The following RHOC variants were observed in gnomAD, a reference collection of about 807,000 sequenced individuals.
RHOC encodes ras homolog family member C.
In RHOC, 13 loss-of-function variants were observed where a neutral mutation model predicts 19.5. The ratio of observed to expected loss-of-function variants is 0.67; its 90% CI spans 0.43 to 1.06. The LOEUF is 1.06. RHOC is among the 50% of genes least tolerant of loss of function. The pLI is 0.00. For missense variants in RHOC, 173 were observed against 256.9 expected (o/e 0.67, Z 2.23); for synonymous variants, 106 against 97.3 (o/e 1.09, Z -0.52).
chr1:112,703,403 G>A (rs1674728819), intron 3 of RHOC: 1 of 716,436 alleles, frequency 1.4e-6, no homozygotes. Context: ...CATTTTGCAG[G>A]TGGGGGAGCT....
intron 5 of RHOC, 139 bp from the exon 6 acceptor site, chr1:112,701,852 C>T (rs1674651033): frequency 1.2e-6 from 1 of 840,296 alleles, no homozygotes; most frequent in Admixed American, 2.6e-5. Context: ...CCCAGCTACC[C>T]TGGGCAGCTT....
At chr1:112,706,500 A>ACC (rs1557780872) in intron 1 of RHOC, among the ~76,000 whole-genome samples, 1 of 81,600 alleles carries the variant, frequency 1.2e-5, no homozygotes, top group Non-Finnish European at 2.5e-5. Context: ...ACACACACAC[A>ACC]CACACACACA....
chr1:112,701,771 G>A, intron 5 of RHOC, 58 bp from the exon 6 acceptor site: 1 of 1,568,118 alleles, frequency 6.4e-7, no homozygotes, highest in Middle Eastern at 1.7e-4. Context: ...AACCTCTCCT[G>A]CCTCACCCAT....
At chr1:112,706,464 C>CCACA (rs57078670) in intron 1 of RHOC, among the ~76,000 whole-genome samples, 4 of 23,042 alleles carry the variant, frequency 1.7e-4, no homozygotes, top group African/African-American at 6.4e-4. Context: ...CACACACACA[C>CCACA]CACACACACA....
rs1175879067 is a variant in RHOC at position 112,705,109 on chromosome 1, G to T, written c.-17C>A. On this transcript the variant is annotated 5_prime_UTR_variant, in exon 2 of 6. Coordinates refer to ENST00000339083, the MANE Select transcript of RHOC (RefSeq NM_175744.5). ...GGGGAGGGGAACTGACCTCCAGCCG[G>T]CTGAAGTTCCCAGGCTGCAGGAAGA... 1.4e-6 allele frequency: 1 copy of T among 702,484 alleles called. No homozygotes were observed. The highest frequency in any genetic ancestry group is 2.6e-6 in the Non-Finnish European group (1 of 384,836). 43.5% of individuals were successfully genotyped at this position (702,484 alleles called of 1,614,324 possible).
At position 112,701,411 on chromosome 1, in the gene RHOC, C is replaced by A. The variant is rs753607543; in HGVS notation, c.*129G>T. The A allele has an allele frequency of 8.8e-6, 14 of 1,586,638 alleles. No individual in the cohort carries two copies. The East Asian group carries it at 3.2e-4, about 37-fold the overall frequency. The stretch of plus-strand genomic sequence containing the variant: ...ACCACCTCGGGGCTAGAAAACAATG[C>A]AGTCCTGGGCAGGAGGGAACTGAAA... On this transcript the variant is annotated 3_prime_UTR_variant, in exon 6 of 6. Coordinates refer to ENST00000339083, the MANE Select transcript of RHOC (RefSeq NM_175744.5).
chr1:112,703,084 T>C lies in RHOC; in HGVS notation c.192A>G (p.Glu64=). 1 of 1,614,174 alleles carries C rather than the reference T, an allele frequency of 6.2e-7. No individual in the cohort carries two copies. The highest frequency in any genetic ancestry group is 8.5e-7 in the Non-Finnish European group (1 of 1,180,020). The change falls in exon 4 of 6, where the codon GAA becomes GAG. Residue 64 remains glutamate (E), a synonymous_variant. Coordinates refer to ENST00000339083, the MANE Select transcript of RHOC (RefSeq NM_175744.5). ...ELALWDTAGQ[E]DYDRLRPLSY... is the part of the protein sequence containing the mutation. ...AGAGAGGCCGCAGTCGATCATAGTC[T>C]TCCTGCCCTGCTGTGTCCCACAGAG... is the stretch of plus-strand genomic sequence containing the variant.
chr1:112,701,717 A>C lies in RHOC; in HGVS notation c.409-4T>G, dbSNP rs879098461. ...CTTCCTCAGACCGAACGGGCTCCTGAGAAGACATAAGATGAGGGGTCAAAG... is the reference window on the plus strand; with the variant it reads ...CTTCCTCAGACCGAACGGGCTCCTGCGAAGACATAAGATGAGGGGTCAAAG... On this transcript the variant is annotated splice_polypyrimidine_tract_variant and splice_region_variant and intron_variant, in intron 5 of 5. Transcript: ENST00000339083. The C allele has an allele frequency of 6.2e-7, 1 of 1,613,544 alleles. No individual in the cohort carries two copies. The highest frequency in any genetic ancestry group is 8.5e-7 in the Non-Finnish European group (1 of 1,179,886).
rs1336355723 is a variant in RHOC at position 112,706,478 on chromosome 1, A to ACCACACACACACACACCCCCACAC, written c.-77+599_-77+600insGTGTGGGGGTGTGTGTGTGTGTGG. On this transcript the variant is annotated intron_variant, in intron 1 of 5. Coordinates refer to ENST00000339083, the MANE Select transcript of RHOC (RefSeq NM_175744.5). ...ACACACACACACCACACACACACACACACACACACACACACACACACACAC... is the reference window on the plus strand; with the variant it reads ...ACACACACACACCACACACACACACACCACACACACACACACCCCCACACCACACACACACACACACACACACAC... Among the ~76,000 whole-genome samples the ACCACACACACACACACCCCCACAC allele has an allele frequency of 1.8e-3, 9 of 5,126 alleles. 2 individuals are homozygous for ACCACACACACACACACCCCCACAC. The highest frequency in any genetic ancestry group is 3.4e-3 in the Non-Finnish European group (7 of 2,082). The allele number at this position is 5,126 out of a possible 152,430, so 3.4% of individuals were successfully genotyped here.
chr1:112,706,480 A>ACCCC (rs1557780720), intron 1 of RHOC, among the ~76,000 whole-genome samples: 126 of 7,416 alleles, frequency 0.017, 14 homozygotes, highest in African/African-American at 0.048. Context: ...ACACACACAC[A>ACCCC]CACACACACA....
At chr1:112,703,239 C>A (rs1674719515) in intron 3 of RHOC, 120 bp from the exon 4 acceptor site, 1 of 1,073,872 alleles carries the variant, frequency 9.3e-7, no homozygotes, top group Non-Finnish European at 1.4e-6. Flanking sequence ...CTGCTATGCA[C>A]CAGGCATTAT....
chr1:112,703,404 TG>T (rs1674729110), intron 3 of RHOC: 2 of 715,850 alleles, frequency 2.8e-6, no homozygotes, highest in Non-Finnish European at 5.0e-6. Flanking sequence ...ATTTTGCAGG[TG>T]GGGGAGCTTA....
intron 5 of RHOC, 25 bp from the exon 6 acceptor site, chr1:112,701,738 C>G: frequency 6.2e-7 from 1 of 1,612,714 alleles, no homozygotes; most frequent in Non-Finnish European, 8.5e-7. Flanking sequence ...GATGAGGGGT[C>G]AAAGGAAGCT....
rs1239230764 is a variant in RHOC, at chr1:112,701,356, C to T, written c.*184G>A. 2 of 1,501,210 alleles carry T rather than the reference C, an allele frequency of 1.3e-6. No individual in the cohort carries two copies. The highest frequency in any genetic ancestry group is 1.3e-5 in the South Asian group (1 of 76,132). The allele number at this position is 1,501,210 out of a possible 1,614,324, so 93.0% of individuals were successfully genotyped here. A position where few individuals can be genotyped will look rare whatever the true frequency, so the allele number is the denominator to read the frequency against. On this transcript the variant is annotated 3_prime_UTR_variant, in exon 6 of 6. Coordinates refer to ENST00000339083, the MANE Select transcript of RHOC (RefSeq NM_175744.5). ...GGAAGGGCAGGGCATAGGCGTGGCT[C>T]CCAGAGCGCTGGGAGGGAGGGCCCG... is the stretch of plus-strand genomic sequence containing the variant.
Position 112,702,685 on chromosome 1 carries a change from G to C in RHOC, c.286C>G (p.Pro96Ala), listed in dbSNP as rs1012573175. ...IDSPDSLENI[P>A]EKWTPEVKHF... ...TTCACCTCTGGGGTCCACTTCTCAG[G>C]AATGTTTTCTGTGTAGACATGCACC... is the stretch of plus-strand genomic sequence containing the variant. Residue 96 changes from proline (P) to alanine (A), a missense_variant, in exon 5 of 6, where the codon CCT (proline) becomes GCT (alanine). Transcript: ENST00000339083. 1 of 1,614,144 alleles carries C rather than the reference G, an allele frequency of 6.2e-7. No individual in the cohort carries two copies. Among genetic ancestry groups the C allele is most frequent in the Non-Finnish European group, 8.5e-7 (1 of 1,180,016 alleles).
intron 1 of RHOC, among the ~76,000 whole-genome samples, chr1:112,706,509 CA>C (rs1557780922): frequency 1.1e-4 from 9 of 79,434 alleles, no homozygotes; most frequent in African/African-American, 3.0e-4. Flanking sequence ...CACACACACA[CA>C]CACACACACA....
chr1:112,704,114 TAG>T (rs945006147), intron 2 of RHOC, among the ~76,000 whole-genome samples: 17 of 152,334 alleles, frequency 1.1e-4, no homozygotes, highest in African/African-American at 4.1e-4. Context: ...TCCAGGTAGC[TAG>T]AGAGCTGCTC....
At chr1:112,706,454 CACACACACACCACA>C (rs1674857598) in intron 1 of RHOC, among the ~76,000 whole-genome samples, 7 of 95,382 alleles carry the variant, frequency 7.3e-5, no homozygotes, top group Admixed American at 9.8e-5. Context: ...CACACACACA[CACACACACACCACA>C]CACACACACA....
At chr1:112,703,902 T>C (rs1674751102) in intron 2 of RHOC, 96 bp from the exon 3 acceptor site, 3 of 1,149,664 alleles carry the variant, frequency 2.6e-6, no homozygotes, top group Admixed American at 4.7e-5. Context: ...CCGAGGCATC[T>C]AGCAAAGGGA....
Sources: allele counts gnomAD v4.1 joint callset (sites outside exome capture counted in the v4.1 genomes callset), GRCh38; gene constraint gnomAD v4.1.1; transcripts MANE v1.5; gene names NCBI Gene and HGNC (gene_info 2026-07-23, HGNC 2026-07-21).